CHML: variants seen among roughly 807,000 people sequenced by gnomAD.
CHML encodes CHM like Rab escort protein.
Under a neutral mutation model 30.4 loss-of-function variants are expected in CHML, and 20 were observed. The ratio of observed to expected loss-of-function variants is 0.66; its 90% confidence interval spans 0.46 to 0.95. The LOEUF (loss-of-function observed/expected upper bound fraction) is 0.95. Ranked by LOEUF, CHML falls within the 40% of genes least tolerant of loss-of-function variation. CHML has a pLI of 0.00. For synonymous variants in CHML, 281 were observed against 275.0 expected, an observed-to-expected ratio of 1.02 and a Z score of -0.22; for missense variants, 795 against 768.5, an observed-to-expected ratio of 1.03 and a Z score of -0.41.
rs114933305 is a variant in CHML, at chr1:241,632,231, C to G, written c.*1565G>C. The G allele has an allele frequency of 6.5e-6, 1 of 153,144 alleles. No individual in the cohort carries two copies. Among genetic ancestry groups the G allele is most frequent in the Non-Finnish European group, 1.5e-5 (1 of 68,864 alleles). 9.5% of individuals were successfully genotyped at this position (153,144 alleles called of 1,614,324 possible). A position where few individuals can be genotyped will look rare whatever the true frequency, so the allele number is the denominator to read the frequency against. On this transcript the variant is annotated 3_prime_UTR_variant, in exon 2 of 2. Coordinates refer to ENST00000366553, the MANE Select transcript of CHML (RefSeq NM_001381853.1). ...CTCTCTTGTCCACCGCCATGTAAGA[C>G]GTGCCTTTCACCTTCCACCATGATT...
chr1:241,640,134 A>T lies in CHML; in HGVS notation c.-560T>A, dbSNP rs1396829751. 5.7e-6 allele frequency: 9 copies of T among 1,591,544 alleles called. No individual in the cohort carries two copies. The highest frequency in any genetic ancestry group is 7.7e-6 in the Non-Finnish European group (9 of 1,170,740). On this transcript the variant is annotated 5_prime_UTR_variant, in exon 1 of 2. Coordinates refer to ENST00000366553, the MANE Select transcript of CHML (RefSeq NM_001381853.1). ...CCCAGCAGCAGCGCCAGGCGCTCGTAGGTGCCGGGGCTGAAGAGGGGCGCG... is the reference window on the plus strand; with the variant it reads ...CCCAGCAGCAGCGCCAGGCGCTCGTTGGTGCCGGGGCTGAAGAGGGGCGCG...
Position 241,633,577 on chromosome 1 carries a change from T to G in CHML, c.*219A>C. On this transcript the variant is annotated 3_prime_UTR_variant, in exon 2 of 2. Coordinates refer to ENST00000366553, the MANE Select transcript of CHML (RefSeq NM_001381853.1). Reference sequence around the variant, plus strand: ...CTCTGTTTTAAGATTCTGGGTCATATAGCCCATTCTAAACAAAATGTTCAA... The same window carrying G: ...CTCTGTTTTAAGATTCTGGGTCATAGAGCCCATTCTAAACAAAATGTTCAA... The G allele has an allele frequency of 1.8e-6, 1 of 569,432 alleles. No homozygotes were observed. The highest frequency in any genetic ancestry group is 3.0e-6 in the Non-Finnish European group (1 of 328,704). The allele number at this position is 569,432 out of a possible 1,614,324, so 35.3% of individuals were successfully genotyped here.
rs1415177037 is a variant in CHML, at chr1:241,630,055, T to C, written c.*3741A>G. Reference sequence around the variant, plus strand: ...GTAAATTTCATACTAATGTCACATATTGGCATTTCTTTGGATGTAGCTTTA... The same window carrying C: ...GTAAATTTCATACTAATGTCACATACTGGCATTTCTTTGGATGTAGCTTTA... On this transcript the variant is annotated 3_prime_UTR_variant, in exon 2 of 2. Transcript: ENST00000366553. 3 of 152,114 alleles carry C rather than the reference T, an allele frequency of 2.0e-5. No individual in the cohort carries two copies. Among genetic ancestry groups the C allele is most frequent in the East Asian group, 1.9e-4 (1 of 5,202 alleles). 9.4% of individuals were successfully genotyped at this position (152,114 alleles called of 1,614,324 possible).
rs1664612795 is a variant in CHML, at chr1:241,630,981, A to T, written c.*2815T>A. 6.6e-6 allele frequency: 1 copy of T among 152,112 alleles called. No individual in the cohort carries two copies. Among genetic ancestry groups the T allele is most frequent in the South Asian group, 2.1e-4 (1 of 4,832 alleles). 9.4% of individuals were successfully genotyped at this position (152,112 alleles called of 1,614,324 possible). A position where few individuals can be genotyped will look rare whatever the true frequency, so the allele number is the denominator to read the frequency against. ...TGTTGAGAATAAAATCCTTCTAAAA[A>T]TGTCTTTTAGTACTGAGAACATGTC... is the stretch of plus-strand genomic sequence containing the variant. On this transcript the variant is annotated 3_prime_UTR_variant, in exon 2 of 2. Coordinates refer to ENST00000366553, the MANE Select transcript of CHML (RefSeq NM_001381853.1).
In CHML at chr1:241,633,358, T is replaced by C. The variant is rs1190848031; in HGVS notation, c.*438A>G. 6.1e-6 allele frequency: 1 copy of C among 163,752 alleles called. No individual in the cohort carries two copies. The highest frequency in any genetic ancestry group is 1.9e-4 in the East Asian group (1 of 5,314). 10.1% of individuals were successfully genotyped at this position (163,752 alleles called of 1,614,324 possible). On this transcript the variant is annotated 3_prime_UTR_variant, in exon 2 of 2. Transcript: ENST00000366553. ...CAAAAGATCCACATAATTTACCATT[T>C]GTGTATGTTTCACTATTCGAACAGG...
At position 241,635,724 on chromosome 1, in the gene CHML, C is replaced by G. The variant is rs143275784; in HGVS notation, c.43G>C (p.Gly15Arg). Reference protein sequence around the residue: ...LPTEFDVVIIGTGLPESILAA... With the variant: ...LPTEFDVVIIRTGLPESILAA... Reference sequence around the variant, plus strand: ...AGGATGGATTCGGGCAAACCTGTCCCTATTATAACCACATCAAACTCTGTG... The same window carrying G: ...AGGATGGATTCGGGCAAACCTGTCCGTATTATAACCACATCAAACTCTGTG... Residue 15 changes from glycine to arginine, a missense_variant, in exon 2 of 2, where the codon GGG (glycine) becomes CGG (arginine). Transcript: ENST00000366553. The G allele has an allele frequency of 6.2e-7, 1 of 1,613,564 alleles. No homozygotes were observed. Among genetic ancestry groups the G allele is most frequent in the African/African-American group, 1.3e-5 (1 of 74,902 alleles).
chr1:241,634,356 C>G lies in CHML; in HGVS notation c.1411G>C (p.Asp471His), dbSNP rs368722099. The stretch of plus-strand genomic sequence containing the variant: ...ACTATCAGAATGGAAGTCTGCTGAT[C>G]TAAATCTGTCTTTAGTATAGACTGA... ...TDQSILKTDLDQQTSILIVPP... is the reference protein window; with the variant it reads ...TDQSILKTDLHQQTSILIVPP... Residue 471 changes from aspartate to histidine, a missense_variant, in exon 2 of 2, where the codon GAT becomes CAT. Coordinates refer to ENST00000366553, the MANE Select transcript of CHML (RefSeq NM_001381853.1). 1 of 1,613,988 alleles carries G rather than the reference C, an allele frequency of 6.2e-7. No individual in the cohort carries two copies.
Position 241,633,786 on chromosome 1 carries a change from T to C in CHML, c.*10A>G, listed in dbSNP as rs1664744567. 17 of 1,612,426 alleles carry C rather than the reference T, an allele frequency of 1.1e-5. No homozygotes were observed. The highest frequency in any genetic ancestry group is 1.4e-5 in the Non-Finnish European group (16 of 1,179,352). ...GGAGGTCCAAAACAGCATTTCGAGA[T>C]TGCTCTTTTCTAATTTTGAAGGTGC... On this transcript the variant is annotated 3_prime_UTR_variant, in exon 2 of 2. Transcript: ENST00000366553.
In CHML at chr1:241,629,096, T is replaced by C. The variant is rs1664514765; in HGVS notation, c.*4700A>G. ...AATATTATTGAATGGCTATATAACA[T>C]TCTGTGATAGCACTAGCAATACACC... On this transcript the variant is annotated 3_prime_UTR_variant, in exon 2 of 2. Coordinates refer to ENST00000366553, the MANE Select transcript of CHML (RefSeq NM_001381853.1). 1 of 152,744 alleles carries C rather than the reference T, an allele frequency of 6.5e-6. No homozygotes were observed. Among genetic ancestry groups the C allele is most frequent in the South Asian group, 2.1e-4 (1 of 4,832 alleles). 9.5% of individuals were successfully genotyped at this position (152,744 alleles called of 1,614,324 possible). A position where few individuals can be genotyped will look rare whatever the true frequency, so the allele number is the denominator to read the frequency against.
Position 241,640,090 on chromosome 1 carries a change from G to C in CHML, c.-516C>G, listed in dbSNP as rs1245926215. 4 of 1,609,678 alleles carry C rather than the reference G, an allele frequency of 2.5e-6. No homozygotes were observed. In the South Asian group the frequency reaches 4.4e-5, roughly 18 times the overall value. On this transcript the variant is annotated 5_prime_UTR_variant, in exon 1 of 2. Coordinates refer to ENST00000366553, the MANE Select transcript of CHML (RefSeq NM_001381853.1). ...CGAGCACCAGCAGGTTGTTGCCGACGCCCAGCAGCCCAATGGAGCCCAGCA... is the reference window on the plus strand; with the variant it reads ...CGAGCACCAGCAGGTTGTTGCCGACCCCCAGCAGCCCAATGGAGCCCAGCA...
chr1:241,634,768 G>A lies in CHML; in HGVS notation c.999C>T (p.Pro333=), dbSNP rs763918005. Residue 333 remains proline, a synonymous_variant, in exon 2 of 2, where the codon CCC becomes CCT. Transcript: ENST00000366553. ...SEYLKTKKLT[P]NLQHFVLHSI... is the part of the protein sequence containing the mutation. ...AGTGCAGTACAAAATGTTGAAGGTTGGGAGTTAGTTTTTTAGTTTTTAAGT... is the reference window on the plus strand; with the variant it reads ...AGTGCAGTACAAAATGTTGAAGGTTAGGAGTTAGTTTTTTAGTTTTTAAGT... 9 of 1,613,954 alleles carry A rather than the reference G, an allele frequency of 5.6e-6. No homozygotes were observed. In the East Asian group the frequency reaches 1.3e-4, roughly 24 times the overall value.
chr1:241,631,827 GCTAGA>G lies in CHML; in HGVS notation c.*1964_*1968del. ...GTGTGTGCTTTTTACCCCCGGCAAT[GCTAGA>G]CTAATTTTCGTGGGCACTTTCTCTT... On this transcript the variant is annotated 3_prime_UTR_variant, in exon 2 of 2. Coordinates refer to ENST00000366553, the MANE Select transcript of CHML (RefSeq NM_001381853.1). The G allele has an allele frequency of 6.6e-6, 1 of 152,216 alleles. No homozygotes were observed. Among genetic ancestry groups the G allele is most frequent in the African/African-American group, 2.4e-5 (1 of 41,550 alleles). The allele number at this position is 152,216 out of a possible 1,614,324, so 9.4% of individuals were successfully genotyped here. A position where few individuals can be genotyped will look rare whatever the true frequency, so the allele number is the denominator to read the frequency against.
rs1208684922 is a variant in CHML, at chr1:241,632,975, G to C, written c.*821C>G. The C allele has an allele frequency of 1.3e-5, 2 of 152,068 alleles. No homozygotes were observed. The highest frequency in any genetic ancestry group is 4.8e-5 in the African/African-American group (2 of 41,420). The allele number at this position is 152,068 out of a possible 1,614,324, so 9.4% of individuals were successfully genotyped here. On this transcript the variant is annotated 3_prime_UTR_variant, in exon 2 of 2. Transcript: ENST00000366553. The stretch of plus-strand genomic sequence containing the variant: ...CACTTCATTTTTCCTTTTGGTCTAA[G>C]TTACTTATTGGAAGCTATTTTAAGT...
Position 241,640,035 on chromosome 1 carries a change from T to A in CHML, c.-461A>T. The A allele has an allele frequency of 6.2e-7, 1 of 1,612,690 alleles. No individual in the cohort carries two copies. Among genetic ancestry groups the A allele is most frequent in the Non-Finnish European group, 8.5e-7 (1 of 1,179,506 alleles). On this transcript the variant is annotated 5_prime_UTR_variant, in exon 1 of 2. Transcript: ENST00000366553. ...TTGACCAGGAGGAGGTGAGTGGGAGTGCGGAGCCGCTGGAACTTGTAGTAG... is the reference window on the plus strand; with the variant it reads ...TTGACCAGGAGGAGGTGAGTGGGAGAGCGGAGCCGCTGGAACTTGTAGTAG...
chr1:241,635,223 A>C lies in CHML; in HGVS notation c.544T>G (p.Cys182Gly). The part of the protein sequence containing the change: ...VEESVEKEKY[C>G]GDKTCMHTVS... ...GTGTGCATACAAGTTTTATCTCCAC[A>C]ATACTTTTCCTTCTCCACTGATTCC... Residue 182 changes from cysteine to glycine, a missense_variant, in exon 2 of 2, where the codon TGT (cysteine) becomes GGT (glycine). By Grantham distance (159) the Cys-to-Gly change is radical (BLOSUM62 -3). Transcript: ENST00000366553. The C allele has an allele frequency of 6.2e-7, 1 of 1,613,556 alleles. No homozygotes were observed. The highest frequency in any genetic ancestry group is 1.3e-5 in the African/African-American group (1 of 75,022).
chr1:241,637,821 T>C (rs115278186), intron 1 of CHML, among the ~76,000 whole-genome samples: 1,794 of 152,300 alleles, frequency 0.012, 49 homozygotes, highest in African/African-American at 0.041. Flanking sequence ...TCCACTCTTG[T>C]GCCATCAGAC....
rs1190686079 is a variant in CHML, at chr1:241,630,286, T to C, written c.*3510A>G. 2 of 152,062 alleles carry C rather than the reference T, an allele frequency of 1.3e-5. No homozygotes were observed. 9.4% of individuals were successfully genotyped at this position (152,062 alleles called of 1,614,324 possible). A position where few individuals can be genotyped will look rare whatever the true frequency, so the allele number is the denominator to read the frequency against. ...TTCCACTACACTGGCATGGCTCCCA[T>C]GGGAGTTTGTTCATGTTTAAAAATA... is the stretch of plus-strand genomic sequence containing the variant. On this transcript the variant is annotated 3_prime_UTR_variant, in exon 2 of 2. Coordinates refer to ENST00000366553, the MANE Select transcript of CHML (RefSeq NM_001381853.1).
Position 241,633,817 on chromosome 1 carries a change from T to C in CHML, c.1950A>G (p.Pro650=). The C allele has an allele frequency of 6.2e-7, 1 of 1,613,796 alleles. No individual in the cohort carries two copies. The highest frequency in any genetic ancestry group is 8.5e-7 in the Non-Finnish European group (1 of 1,179,736). The stretch of plus-strand genomic sequence containing the variant: ...TTTTCTAATTTTGAAGGTGCTTCTC[T>C]GGGCTTTCTAGGTTTTTGCTTTCCT... The part of the protein sequence containing the change: ...SSEESKNLES[P]EKHLQN The change falls in exon 2 of 2, where the codon CCA becomes CCG. Residue 650 remains proline (P), a synonymous_variant. Transcript: ENST00000366553.
At position 241,631,281 on chromosome 1, in the gene CHML, G is replaced by A. The variant is rs948702426; in HGVS notation, c.*2515C>T. The A allele has an allele frequency of 1.3e-5, 2 of 150,672 alleles. No homozygotes were observed. Among genetic ancestry groups the A allele is most frequent in the Non-Finnish European group, 3.0e-5 (2 of 67,716 alleles). 9.3% of individuals were successfully genotyped at this position (150,672 alleles called of 1,614,324 possible). ...AATTTTTCCTATTTCCATTATATTC[G>A]GCTATACCATCTTTTGCAACTTCTG... On this transcript the variant is annotated 3_prime_UTR_variant, in exon 2 of 2. Coordinates refer to ENST00000366553, the MANE Select transcript of CHML (RefSeq NM_001381853.1).
Sources: allele counts gnomAD v4.1 joint callset (sites outside exome capture counted in the v4.1 genomes callset), GRCh38; gene constraint gnomAD v4.1.1; transcripts MANE v1.5; gene names NCBI Gene and HGNC (gene_info 2026-07-23, HGNC 2026-07-21).